TBC1D22A: variants seen among roughly 807,000 people sequenced by gnomAD.
TBC1D22A encodes TBC1 domain family member 22A, also known as putative GTPase activator.
A neutral mutation model predicts 60.2 loss-of-function variants in TBC1D22A; 38 were observed. That is an observed-to-expected ratio of 0.63 (90% CI 0.49 to 0.83). TBC1D22A has a LOEUF of 0.83. Ranked by LOEUF, TBC1D22A falls within the 40% of genes least tolerant of loss-of-function variation. The pLI is 0.00. For synonymous variants in TBC1D22A, 302 were observed against 281.7 expected (o/e 1.07, Z -0.72); for missense variants, 628 against 701.0 (o/e 0.90, Z 1.18).
intron 8 of TBC1D22A, among the ~76,000 whole-genome samples, chr22:46,945,850 C>T (rs2072504681): frequency 1.3e-5 from 2 of 152,206 alleles, no homozygotes; most frequent in Admixed American, 1.3e-4. Context: ...GCCCACAGCT[C>T]AAAATAAATG....
intron 4 of TBC1D22A, among the ~76,000 whole-genome samples, chr22:46,842,930 C>A (rs1054638219): frequency 4.6e-5 from 7 of 152,118 alleles, no homozygotes; most frequent in African/African-American, 1.7e-4. Context: ...GTGCTGCGGC[C>A]CATGTTCATG....
chr22:47,127,211 C>CA (rs2066488471), intron 12 of TBC1D22A, among the ~76,000 whole-genome samples: 1 of 143,414 alleles, frequency 7.0e-6, no homozygotes, highest in South Asian at 2.3e-4. Flanking sequence ...TTGTCTTTAT[C>CA]TTTTTTTTTC....
chr22:47,004,624 A>G (rs550182946), intron 10 of TBC1D22A, among the ~76,000 whole-genome samples: 1 of 150,996 alleles, frequency 6.6e-6, no homozygotes, highest in East Asian at 2.0e-4. Flanking sequence ...CCTGCCATAT[A>G]CACATACACA....
chr22:47,121,889 A>T lies in TBC1D22A; in HGVS notation c.1425+10286A>T, dbSNP rs570142145. 2.0e-4 allele frequency among the ~76,000 whole-genome samples: 31 copies of T among 152,126 alleles called. No individual in the cohort carries two copies. In the East Asian group the frequency reaches 5.6e-3, roughly 28 times the overall value. On this transcript the variant is annotated intron_variant, in intron 12 of 12. Coordinates refer to ENST00000337137, the MANE Select transcript of TBC1D22A (RefSeq NM_014346.5). ...CTGGGTTCTCTGCCCTTCTTCTAGG[A>T]TGTCGCACTGCGCCCGCCCCTCGGG... is the stretch of plus-strand genomic sequence containing the variant.
intron 4 of TBC1D22A, among the ~76,000 whole-genome samples, chr22:46,822,779 G>A (rs1054438591): frequency 6.6e-6 from 1 of 152,176 alleles, no homozygotes; most frequent in Non-Finnish European, 1.5e-5. Context: ...GGTGGAGAGG[G>A]TGTCTTTTGC....
rs778351648 is a variant in TBC1D22A, at chr22:47,028,921, A to G, written c.1202-8150A>G. The stretch of plus-strand genomic sequence containing the variant: ...GTCAGACTCTATGAGCTAAGGGCTC[A>G]GTCCTTAACAAGAGCACCCTCACTT... On this transcript the variant is annotated intron_variant, in intron 10 of 12. Transcript: ENST00000337137. The surrounding 1 kb of genome is among the most constrained non-coding windows in gnomAD (Gnocchi z 4.4). Among the ~76,000 whole-genome samples, 4 of 152,218 alleles carry G rather than the reference A, an allele frequency of 2.6e-5. No homozygotes were observed. The highest frequency in any genetic ancestry group is 9.7e-5 in the African/African-American group (4 of 41,448).
At chr22:47,108,012 G>A (rs2065699576) in intron 11 of TBC1D22A, among the ~76,000 whole-genome samples, 1 of 152,136 alleles carries the variant, frequency 6.6e-6, no homozygotes, top group Non-Finnish European at 1.5e-5. Flanking sequence ...AAAGTACTAG[G>A]TTGACCCTCA....
intron 12 of TBC1D22A, among the ~76,000 whole-genome samples, chr22:47,137,012 TA>T (rs1263546940): frequency 1.3e-5 from 2 of 152,152 alleles, no homozygotes; most frequent in African/African-American, 4.8e-5. Flanking sequence ...GGGCCCTGGC[TA>T]CGTCTTCACT....
At chr22:46,915,288 A>G in intron 8 of TBC1D22A, 2 of 411,906 alleles carry the variant, frequency 4.9e-6, no homozygotes, top group South Asian at 3.5e-5. Context: ...TGCCCTCCAG[A>G]GAGGCTATTC....
At position 46,762,834 on chromosome 22, in the gene TBC1D22A, C is replaced by T. The variant is rs1406173391; in HGVS notation, c.48C>T (p.Ser16=). Residue 16 remains serine, a synonymous_variant, in exon 1 of 13, where the codon AGC becomes AGT. Coordinates refer to ENST00000337137, the MANE Select transcript of TBC1D22A (RefSeq NM_014346.5). ...AGCAATTCTGGAAGCGCAGCAACAG[C>T]AAGCTCCCGGGCAGGTGGGTGTGCC... is the stretch of plus-strand genomic sequence containing the variant. ...ARKQFWKRSN[S]KLPGSIQHVY... is the part of the protein sequence containing the mutation. The T allele has an allele frequency of 2.7e-6, 4 of 1,463,580 alleles. No individual in the cohort carries two copies. Among genetic ancestry groups the T allele is most frequent in the East Asian group, 3.0e-5 (1 of 33,354 alleles). 90.7% of individuals were successfully genotyped at this position (1,463,580 alleles called of 1,614,324 possible). A position where few individuals can be genotyped will look rare whatever the true frequency, so the allele number is the denominator to read the frequency against.
At chr22:47,131,026 G>A (rs549274670) in intron 12 of TBC1D22A, among the ~76,000 whole-genome samples, 4 of 152,308 alleles carry the variant, frequency 2.6e-5, no homozygotes, top group South Asian at 2.1e-4. Context: ...GTCACGTGGC[G>A]AGAGAGGGAG....
At chr22:46,958,498 G>T (rs1370164966) in intron 8 of TBC1D22A, among the ~76,000 whole-genome samples, 32 of 152,228 alleles carry the variant, frequency 2.1e-4, no homozygotes, top group Admixed American at 2.1e-3. Context: ...CCGTCTCACC[G>T]TTGGAGAGCT....
intron 9 of TBC1D22A, among the ~76,000 whole-genome samples, chr22:46,982,139 G>T (rs2074537401): frequency 6.6e-6 from 1 of 152,114 alleles, no homozygotes; most frequent in Admixed American, 6.5e-5. Flanking sequence ...TGGAAAGTCT[G>T]TCCTTGTGGC....
intron 1 of TBC1D22A, among the ~76,000 whole-genome samples, chr22:46,785,644 G>C (rs567032191): frequency 3.3e-5 from 5 of 152,202 alleles, no homozygotes; most frequent in Admixed American, 2.0e-4. Context: ...ACTAATCTAC[G>C]TTCTCTGTAT....
chr22:46,763,613 T>G (rs2083187415), intron 1 of TBC1D22A: 1 of 151,998 alleles, frequency 6.6e-6, no homozygotes, highest in Non-Finnish European at 1.5e-5. Flanking sequence ...ACGTCAAGAT[T>G]TCAGAACATA....
intron 4 of TBC1D22A, among the ~76,000 whole-genome samples, chr22:46,841,047 G>GGTGTGT (rs56029066): frequency 0.013 from 1,899 of 147,506 alleles, 19 homozygotes; most frequent in African/African-American, 0.029. Context: ...AATGAAAATG[G>GGTGTGT]GTGTGTGTGT....
At chr22:46,855,191 G>A (rs2087504836) in intron 4 of TBC1D22A, among the ~76,000 whole-genome samples, 1 of 152,064 alleles carries the variant, frequency 6.6e-6, no homozygotes, top group Admixed American at 6.5e-5. Flanking sequence ...TGCTGTCCTG[G>A]GATAATTATT....
chr22:47,168,727 C>T (rs1205178353), intron 12 of TBC1D22A, among the ~76,000 whole-genome samples: 1 of 136,934 alleles, frequency 7.3e-6, no homozygotes, highest in Non-Finnish European at 1.6e-5. Flanking sequence ...CCCTAGGACA[C>T]GGGCTTGTCA....
At chr22:46,830,970 G>A (rs991593152) in intron 4 of TBC1D22A, among the ~76,000 whole-genome samples, 1 of 152,144 alleles carries the variant, frequency 6.6e-6, no homozygotes, top group Non-Finnish European at 1.5e-5. Context: ...GTGACTGGTG[G>A]TGTGAGGGAG....
Sources: allele counts gnomAD v4.1 joint callset (sites outside exome capture counted in the v4.1 genomes callset), GRCh38; gene constraint gnomAD v4.1.1; non-coding constraint Gnocchi (gnomAD v3.1); transcripts MANE v1.5; gene names NCBI Gene and HGNC (gene_info 2026-07-23, HGNC 2026-07-21).